CHD6: variants seen among roughly 807,000 people sequenced by gnomAD.
The protein encoded by CHD6 is ATP-dependent chromatin remodeler CHD6.
A neutral mutation model predicts 276.9 loss-of-function variants in CHD6; 50 were observed. That is an observed-to-expected ratio of 0.18 (90% CI 0.14 to 0.23). CHD6 has a LOEUF of 0.23. CHD6 is among the 10% of genes least tolerant of loss of function. CHD6 has a pLI of 1.00. For synonymous variants in CHD6, 1,173 were observed against 1,229.3 expected, an observed-to-expected ratio of 0.95 and a Z score of 0.96; for missense variants, 2,564 against 3,365.8, an observed-to-expected ratio of 0.76 and a Z score of 5.89.
At chr20:41,504,196 T>C (rs1220330633) in intron 5 of CHD6, among the ~76,000 whole-genome samples, 4 of 151,712 alleles carry the variant, frequency 2.6e-5, no homozygotes, top group South Asian at 2.1e-4. Context: ...TTTTCCTCTA[T>C]GTGCTTCAGA....
At chr20:41,590,123 C>G (rs554268977) in intron 1 of CHD6, among the ~76,000 whole-genome samples, 1 of 152,274 alleles carries the variant, frequency 6.6e-6, no homozygotes, top group African/African-American at 2.4e-5. Flanking sequence ...AAAGGATTCC[C>G]TATTTAATAA....
At chr20:41,436,500 A>G (rs1569076251) in intron 27 of CHD6, among the ~76,000 whole-genome samples, 1 of 152,200 alleles carries the variant, frequency 6.6e-6, no homozygotes. Context: ...ATGACCCAGC[A>G]ATTACACTCC....
At chr20:41,558,186 A>C (rs1229815484) in intron 1 of CHD6, among the ~76,000 whole-genome samples, 3 of 152,172 alleles carry the variant, frequency 2.0e-5, no homozygotes, top group Non-Finnish European at 4.4e-5. Context: ...AACTGGACAC[A>C]TGTACCTTTC....
At chr20:41,463,001 A>C (rs932069522) in intron 17 of CHD6, among the ~76,000 whole-genome samples, 1 of 152,240 alleles carries the variant, frequency 6.6e-6, no homozygotes, top group African/African-American at 2.4e-5. Flanking sequence ...GTATAGACTA[A>C]GCCTGAAACA....
intron 2 of CHD6, among the ~76,000 whole-genome samples, chr20:41,540,215 T>C (rs2044915034): frequency 6.6e-6 from 1 of 152,194 alleles, no homozygotes; most frequent in Admixed American, 6.5e-5. Context: ...AAAGAAACAG[T>C]TATCTACAAT....
intron 35 of CHD6, 126 bp from the exon 36 acceptor site, chr20:41,412,389 G>T: frequency 9.1e-7 from 1 of 1,097,838 alleles, no homozygotes. Context: ...AGCTGGCCAG[G>T]TTAAACTAAA....
chr20:41,617,902 C>A (rs1440228668), intron 1 of CHD6, among the ~76,000 whole-genome samples: 1 of 148,266 alleles, frequency 6.7e-6, no homozygotes, highest in Non-Finnish European at 1.5e-5. Context: ...TCACCCCCGC[C>A]CCGCCCCAGC....
At chr20:41,470,951 A>G (rs1228754417) in intron 17 of CHD6, among the ~76,000 whole-genome samples, 1 of 152,236 alleles carries the variant, frequency 6.6e-6, no homozygotes, top group African/African-American at 2.4e-5. Flanking sequence ...CAAACTGGCC[A>G]TTCAACTTTG....
chr20:41,553,950 G>C (rs1228714707), intron 1 of CHD6, among the ~76,000 whole-genome samples: 4 of 152,192 alleles, frequency 2.6e-5, no homozygotes, highest in African/African-American at 9.7e-5. Flanking sequence ...AGGAGTTTGT[G>C]ACCAGCCTGG....
rs150234880 is a variant in CHD6 at position 41,452,452 on chromosome 20, G to A, written c.3323+288C>T. Among the ~76,000 whole-genome samples, 1,286 of 152,300 alleles carry A rather than the reference G, an allele frequency of 8.4e-3. 6 individuals are homozygous for A. Among genetic ancestry groups the A allele is most frequent in the Non-Finnish European group, 0.012 (832 of 68,018 alleles). On this transcript the variant is annotated intron_variant, in intron 21 of 36. Transcript: ENST00000373233. This position sits in a 1 kb window ranked among gnomAD's most constrained non-coding sequence, Gnocchi z 4.2. Reference sequence around the variant, plus strand: ...GTGTGGACTCCTTGTATATCCTTGCGGGGTGGGAGGAAGCAGGAAATCAGT... The same window carrying A: ...GTGTGGACTCCTTGTATATCCTTGCAGGGTGGGAGGAAGCAGGAAATCAGT...
chr20:41,475,284 C>T (rs903754742), intron 16 of CHD6, among the ~76,000 whole-genome samples: 3 of 152,144 alleles, frequency 2.0e-5, no homozygotes, highest in Non-Finnish European at 2.9e-5. Flanking sequence ...AACCTAAAAA[C>T]AGAACAAAAC....
At chr20:41,582,077 G>A (rs536494252) in intron 1 of CHD6, among the ~76,000 whole-genome samples, 2 of 152,108 alleles carry the variant, frequency 1.3e-5, no homozygotes, top group Non-Finnish European at 2.9e-5. Flanking sequence ...GTTGGTGGGA[G>A]GGGCAGTGTG....
intron 1 of CHD6, among the ~76,000 whole-genome samples, chr20:41,600,328 CA>C (rs2045760702): frequency 6.6e-6 from 1 of 152,158 alleles, no homozygotes; most frequent in Non-Finnish European, 1.5e-5. Context: ...CTAAAGAAGC[CA>C]GATACGAAAC....
intron 1 of CHD6, among the ~76,000 whole-genome samples, chr20:41,594,076 C>T (rs1054292394): frequency 6.6e-5 from 10 of 151,034 alleles, no homozygotes; most frequent in African/African-American, 2.4e-4. Context: ...CTTAATGGAA[C>T]ACCTCAATTC....
chr20:41,500,633 T>C (rs1220804693), intron 5 of CHD6, among the ~76,000 whole-genome samples: 1 of 152,122 alleles, frequency 6.6e-6, no homozygotes, highest in East Asian at 1.9e-4. Context: ...TGTTTAAGTA[T>C]TTGCTCTGCT....
chr20:41,589,094 T>C (rs894899409), intron 1 of CHD6, among the ~76,000 whole-genome samples: 3 of 152,162 alleles, frequency 2.0e-5, no homozygotes, highest in African/African-American at 7.2e-5. Flanking sequence ...ATCTGGCATA[T>C]AAACAGAACC....
At chr20:41,612,049 A>C (rs2045892699) in intron 1 of CHD6, among the ~76,000 whole-genome samples, 1 of 152,270 alleles carries the variant, frequency 6.6e-6, no homozygotes, top group African/African-American at 2.4e-5. Flanking sequence ...CAAGACTTTC[A>C]TAAAACACCA....
Position 41,471,027 on chromosome 20 carries a change from G to A in CHD6, c.2664+2295C>T, listed in dbSNP as rs143519040. Among the ~76,000 whole-genome samples the A allele has an allele frequency of 5.6e-3, 853 of 152,338 alleles. 8 individuals are homozygous for A. Among genetic ancestry groups the A allele is most frequent in the Middle Eastern group, 0.024 (7 of 294 alleles). Reference sequence around the variant, plus strand: ...GTCAGGTGAGCATCACAAAGAAGCCGAGAACTTTGTAACTGTCAAGGACTT... The same window carrying A: ...GTCAGGTGAGCATCACAAAGAAGCCAAGAACTTTGTAACTGTCAAGGACTT... On this transcript the variant is annotated intron_variant, in intron 17 of 36. Transcript: ENST00000373233.
At chr20:41,413,679 C>T (rs925530918) in intron 34 of CHD6, 164 bp from the exon 35 acceptor site, 12 of 530,060 alleles carry the variant, frequency 2.3e-5, no homozygotes, top group African/African-American at 1.6e-4. Context: ...CACTGACCCA[C>T]GCCCACATAA....
Sources: allele counts gnomAD v4.1 joint callset (sites outside exome capture counted in the v4.1 genomes callset), GRCh38; gene constraint gnomAD v4.1.1; non-coding constraint Gnocchi (gnomAD v3.1); transcripts MANE v1.5; gene names NCBI Gene and HGNC (gene_info 2026-07-23, HGNC 2026-07-21).